CACNA1C: variants seen among roughly 807,000 people sequenced by gnomAD.
CACNA1C encodes calcium voltage-gated channel subunit alpha1 C, also known as voltage-dependent L-type calcium channel subunit alpha-1C.
Under a neutral mutation model 229.0 loss-of-function variants are expected in CACNA1C, and 30 were observed. The ratio of observed to expected loss-of-function variants is 0.13; its 90% CI spans 0.10 to 0.18. CACNA1C has a LOEUF of 0.18. CACNA1C is among the 10% of genes least tolerant of loss of function. The pLI is 1.00. For missense variants in CACNA1C, 1,658 were observed against 2,845.0 expected, an observed-to-expected ratio of 0.58 and a Z score of 9.49; for synonymous variants, 1,114 against 1,132.5, an observed-to-expected ratio of 0.98 and a Z score of 0.33.
intron 4 of CACNA1C, among the ~76,000 whole-genome samples, chr12:2,456,240 T>G (rs183697967): frequency 3.1e-4 from 47 of 152,292 alleles, no homozygotes; most frequent in Middle Eastern, 3.4e-3. Flanking sequence ...TTAAGGTAAA[T>G]CTGGTATCTA....
intron 18 of CACNA1C, among the ~76,000 whole-genome samples, chr12:2,588,388 G>A (rs1405879131): frequency 1.3e-5 from 2 of 152,208 alleles, no homozygotes; most frequent in Admixed American, 6.5e-5. Flanking sequence ...GTGTCAGGGA[G>A]CACACTGCCA....
intron 8 of CACNA1C, among the ~76,000 whole-genome samples, chr12:2,508,058 T>A (rs1469558708): frequency 1.3e-5 from 2 of 152,232 alleles, no homozygotes; most frequent in Admixed American, 1.3e-4. Context: ...CCCAGAGGCC[T>A]GCAGCAGGGC....
At position 2,400,506 on chromosome 12, in the gene CACNA1C, G is replaced by A. The variant is rs775659857; in HGVS notation, c.478-48470G>A. 1.2e-3 allele frequency among the ~76,000 whole-genome samples: 177 copies of A among 152,242 alleles called. 1 individual carries two copies. The highest frequency in any genetic ancestry group is 2.1e-3 in the Non-Finnish European group (146 of 68,004). On this transcript the variant is annotated intron_variant, in intron 3 of 46. Coordinates refer to ENST00000399655, the MANE Select transcript of CACNA1C (RefSeq NM_000719.7). The stretch of plus-strand genomic sequence containing the variant: ...GAATAATTTCATCCCCATGCTGTAC[G>A]AGCAAACTTGACTTTGCTGACCTTA...
At chr12:2,672,538 C>A (rs551906710) in intron 38 of CACNA1C, among the ~76,000 whole-genome samples, 18 of 152,150 alleles carry the variant, frequency 1.2e-4, no homozygotes, top group Admixed American at 1.3e-4. Context: ...CTGTTCCACC[C>A]TTTCTCCCAG....
intron 3 of CACNA1C, among the ~76,000 whole-genome samples, chr12:2,393,683 C>G (rs1401602635): frequency 6.6e-6 from 1 of 152,248 alleles, no homozygotes; most frequent in African/African-American, 2.4e-5. Flanking sequence ...GATGCTGCTT[C>G]TCTATTCTCT....
chr12:2,421,569 C>T (rs1198467744), intron 3 of CACNA1C, among the ~76,000 whole-genome samples: 1 of 152,178 alleles, frequency 6.6e-6, no homozygotes, highest in African/African-American at 2.4e-5. Context: ...AGCGTTCTGT[C>T]AGGTGAGCCT....
rs959326265 is a variant in CACNA1C, at chr12:1,971,359, A to G, written c.139+158A>G. Reference sequence around the variant, plus strand: ...CACACCGTTGTAAAATTTTGCCTGTAACTGCACTATCCTGGTTTATGCCGT... The same window carrying G: ...CACACCGTTGTAAAATTTTGCCTGTGACTGCACTATCCTGGTTTATGCCGT... On this transcript the variant is annotated intron_variant, in intron 1 of 46. Transcript: ENST00000682462. This position sits in a 1 kb window ranked among gnomAD's most constrained non-coding sequence, Gnocchi z 4.2. 1.3e-5 allele frequency among the ~76,000 whole-genome samples: 2 copies of G among 152,228 alleles called. No individual in the cohort carries two copies. The highest frequency in any genetic ancestry group is 2.9e-5 in the Non-Finnish European group (2 of 68,024).
At chr12:2,373,791 T>C (rs1327692091) in intron 3 of CACNA1C, among the ~76,000 whole-genome samples, 1 of 152,206 alleles carries the variant, frequency 6.6e-6, no homozygotes, top group Admixed American at 6.5e-5. Context: ...TAAAAAAAGA[T>C]ATTTGCCACC....
In CACNA1C at chr12:2,597,466, T is replaced by G; in HGVS notation, c.2853+177T>G. 1.2e-6 allele frequency: 2 copies of G among 1,609,478 alleles called. No homozygotes were observed. Among genetic ancestry groups the G allele is most frequent in the Non-Finnish European group, 1.7e-6 (2 of 1,175,808 alleles). The stretch of plus-strand genomic sequence containing the variant: ...TAGGCAATGCAGACTATGTCTTCAC[T>G]AGTATCTTTACATTAGAAATTATCC... On this transcript the variant is annotated intron_variant, in intron 21 of 46. Transcript: ENST00000399655. The surrounding 1 kb of genome is among the most constrained non-coding windows in gnomAD (Gnocchi z 4.3).
At chr12:2,450,358 T>G (rs184654008) in intron 4 of CACNA1C, among the ~76,000 whole-genome samples, 46 of 151,552 alleles carry the variant, frequency 3.0e-4, no homozygotes, top group South Asian at 8.4e-4. Context: ...ATCGAGACCA[T>G]CCTGGCTAAC....
intron 4 of CACNA1C, among the ~76,000 whole-genome samples, chr12:2,449,452 G>A (rs752657132): frequency 2.0e-5 from 3 of 152,214 alleles, no homozygotes; most frequent in Admixed American, 6.5e-5. Flanking sequence ...CTCCCAGTGC[G>A]CAGGCTGGCT....
intron 3 of CACNA1C, among the ~76,000 whole-genome samples, chr12:2,277,898 C>A (rs1208335426): frequency 6.6e-6 from 1 of 152,242 alleles, no homozygotes; most frequent in Admixed American, 6.5e-5. Context: ...GGGTCCTGAG[C>A]ATGCGGCATT....
chr12:2,066,072 G>A (rs2059152820), intron 1 of CACNA1C, among the ~76,000 whole-genome samples: 1 of 152,128 alleles, frequency 6.6e-6, no homozygotes, highest in Admixed American at 6.5e-5. Flanking sequence ...ATAAGGTAGG[G>A]GAGTCGAGGC....
intron 13 of CACNA1C, among the ~76,000 whole-genome samples, chr12:2,570,887 C>T (rs1244323312): frequency 6.6e-6 from 1 of 152,192 alleles, no homozygotes. Context: ...AAGCAACAGC[C>T]TTCTTTCCCT....
chr12:2,480,507 G>A (rs1415181797), intron 5 of CACNA1C, among the ~76,000 whole-genome samples: 1 of 152,198 alleles, frequency 6.6e-6, no homozygotes, highest in Non-Finnish European at 1.5e-5. Flanking sequence ...GGCCTGCAGG[G>A]CTTGTAGTCA....
Position 2,599,092 on chromosome 12 carries a change from A to G in CACNA1C, c.2853+1803A>G, listed in dbSNP as rs539977750. 2.4e-4 allele frequency among the ~76,000 whole-genome samples: 36 copies of G among 152,320 alleles called. No homozygotes were observed. The South Asian group carries it at 7.3e-3, about 31-fold the overall frequency. On this transcript the variant is annotated intron_variant, in intron 21 of 46. Coordinates refer to ENST00000399655, the MANE Select transcript of CACNA1C (RefSeq NM_000719.7). ...GAGGCCCAATTCTCAGTGCCCTTCTACAGAGCTGCCCTTGTGGATTTCAAT... is the reference window on the plus strand; with the variant it reads ...GAGGCCCAATTCTCAGTGCCCTTCTGCAGAGCTGCCCTTGTGGATTTCAAT...
intron 3 of CACNA1C, among the ~76,000 whole-genome samples, chr12:2,188,546 A>C (rs1428019678): frequency 6.6e-6 from 1 of 152,120 alleles, no homozygotes; most frequent in East Asian, 1.9e-4. Context: ...AACCTATTGC[A>C]CCTAATGGAT....
chr12:2,387,915 GC>G (rs1377975266), intron 3 of CACNA1C, among the ~76,000 whole-genome samples: 7 of 152,190 alleles, frequency 4.6e-5, no homozygotes, highest in Admixed American at 1.3e-4. Flanking sequence ...AAACCAGGGA[GC>G]CCCCTTACCA....
At chr12:2,068,347 G>C (rs2060129713) in intron 1 of CACNA1C, among the ~76,000 whole-genome samples, 1 of 152,192 alleles carries the variant, frequency 6.6e-6, no homozygotes. Context: ...TCTGGTGTGG[G>C]GGAGGGTTGT....
Sources: allele counts gnomAD v4.1 joint callset (sites outside exome capture counted in the v4.1 genomes callset), GRCh38; gene constraint gnomAD v4.1.1; non-coding constraint Gnocchi (gnomAD v3.1); transcripts MANE v1.5; gene names NCBI Gene and HGNC (gene_info 2026-07-23, HGNC 2026-07-21).